CLCN6: variants seen among roughly 807,000 people sequenced by gnomAD.
CLCN6 encodes the protein Cl-/H+ antiporter 6.
In CLCN6, 70 loss-of-function variants were observed where a neutral mutation model predicts 109.8. The observed-to-expected ratio is 0.64, with a 90% CI of 0.53 to 0.78. The LOEUF (loss-of-function observed/expected upper bound fraction) is 0.78, where lower values mean the gene tolerates loss of function less well. Ranked by LOEUF, CLCN6 falls within the 30% of genes least tolerant of loss-of-function variation. CLCN6 has a pLI of 0.00. For synonymous variants in CLCN6, 444 were observed against 447.8 expected (o/e 0.99, Z 0.11); for missense variants, 984 against 1,142.3 (o/e 0.86, Z 2.00).
Position 11,834,388 on chromosome 1 carries a change from C to T in CLCN6, c.1679C>T (p.Thr560Ile). The T allele has an allele frequency of 1.2e-6, 2 of 1,614,008 alleles. No homozygotes were observed. Among genetic ancestry groups the T allele is most frequent in the Non-Finnish European group, 1.7e-6 (2 of 1,179,920 alleles). ...ACCTACGGGCTCCCCATCATGGTCA[C>T]ACTGATGGTGAGCACACTCCCTCCA... ...EITYGLPIMV[T>I]LMVAKWTGDF... The change falls in exon 16 of 23, where the codon ACA (threonine) becomes ATA (isoleucine). Residue 560 changes from threonine (T) to isoleucine (I), a missense_variant. Thr to Ile is a moderately conservative substitution (Grantham distance 89). Coordinates refer to ENST00000346436, the MANE Select transcript of CLCN6 (RefSeq NM_001286.5). This position sits in a 1 kb window ranked among gnomAD's most constrained non-coding sequence, Gnocchi z 4.5.
chr1:11,812,737 C>T (rs1644618200), intron 2 of CLCN6, among the ~76,000 whole-genome samples: 2 of 142,412 alleles, frequency 1.4e-5, no homozygotes, highest in Non-Finnish European at 3.0e-5. Flanking sequence ...AAAATGATAC[C>T]TGGAAATATG....
Position 11,815,921 on chromosome 1 carries a change from A to T in CLCN6, c.213+10A>T, listed in dbSNP as rs1644663459. 1 of 1,596,472 alleles carries T rather than the reference A, an allele frequency of 6.3e-7. No homozygotes were observed. Among genetic ancestry groups the T allele is most frequent in the African/African-American group, 1.3e-5 (1 of 74,560 alleles). On this transcript the variant is annotated intron_variant, in intron 3 of 22. Transcript: ENST00000346436. ...GACCATGGATAATAAGGTGGGTCTTACAATTCTTCATCTCTGGGGATCAAA... is the reference window on the plus strand; with the variant it reads ...GACCATGGATAATAAGGTGGGTCTTTCAATTCTTCATCTCTGGGGATCAAA...
Position 11,841,154 on chromosome 1 carries a change from C to G in CLCN6, c.*931C>G, listed in dbSNP as rs1645017916. The G allele has an allele frequency of 6.6e-6, 1 of 152,624 alleles. No homozygotes were observed. The highest frequency in any genetic ancestry group is 2.4e-5 in the African/African-American group (1 of 41,428). The allele number at this position is 152,624 out of a possible 1,614,324, so 9.5% of individuals were successfully genotyped here. Reference sequence around the variant, plus strand: ...TTCACTCAACTCTGGGGAATGCTACCATTTTTTTTCCAAAGTAGAAAGGAA... The same window carrying G: ...TTCACTCAACTCTGGGGAATGCTACGATTTTTTTTCCAAAGTAGAAAGGAA... On this transcript the variant is annotated 3_prime_UTR_variant, in exon 23 of 23. Coordinates refer to ENST00000346436, the MANE Select transcript of CLCN6 (RefSeq NM_001286.5).
chr1:11,839,506 C>T (rs1052049916), intron 22 of CLCN6, among the ~76,000 whole-genome samples: 3 of 152,200 alleles, frequency 2.0e-5, no homozygotes, highest in African/African-American at 7.2e-5. Flanking sequence ...AAGTGATTCA[C>T]CTGCCTCGGC....
chr1:11,827,104 T>C lies in CLCN6; in HGVS notation c.723T>C (p.Phe241=). The change falls in exon 10 of 23, where the codon TTT becomes TTC. Residue 241 remains phenylalanine (F), a synonymous_variant. Coordinates refer to ENST00000346436, the MANE Select transcript of CLCN6 (RefSeq NM_001286.5). ...YFRSDRDKRD[F]VSAGAAAGVA... Reference sequence around the variant, plus strand: ...CTCTCCTCAGAGACAAGAGAGACTTTGTATCAGCAGGAGCGGCTGCTGGAG... The same window carrying C: ...CTCTCCTCAGAGACAAGAGAGACTTCGTATCAGCAGGAGCGGCTGCTGGAG... 1 of 1,613,930 alleles carries C rather than the reference T, an allele frequency of 6.2e-7. No individual in the cohort carries two copies. Among genetic ancestry groups the C allele is most frequent in the Non-Finnish European group, 8.5e-7 (1 of 1,179,908 alleles).
chr1:11,834,205 A>C lies in CLCN6; in HGVS notation c.1527-31A>C. 2 of 1,602,928 alleles carry C rather than the reference A, an allele frequency of 1.2e-6. No individual in the cohort carries two copies. Among genetic ancestry groups the C allele is most frequent in the Non-Finnish European group, 1.7e-6 (2 of 1,174,688 alleles). On this transcript the variant is annotated intron_variant, in intron 15 of 22. Transcript: ENST00000346436. The surrounding 1 kb of genome is among the most constrained non-coding windows in gnomAD (Gnocchi z 4.5). Reference sequence around the variant, plus strand: ...CCCCACAGCCTATCAGTGTGGTTCAAAGCCATGTTCTCGGTGTTTTCCTTC... The same window carrying C: ...CCCCACAGCCTATCAGTGTGGTTCACAGCCATGTTCTCGGTGTTTTCCTTC...
intron 17 of CLCN6, 83 bp from the exon 18 acceptor site, chr1:11,835,884 C>A: frequency 7.6e-7 from 1 of 1,318,498 alleles, no homozygotes; most frequent in Non-Finnish European, 1.0e-6. Flanking sequence ...GTGGTCTGAG[C>A]AGGGCTGGAG....
Position 11,822,816 on chromosome 1 carries a change from A to G in CLCN6, c.453+15A>G. The G allele has an allele frequency of 6.5e-7, 1 of 1,538,696 alleles. No homozygotes were observed. Among genetic ancestry groups the G allele is most frequent in the African/African-American group, 1.4e-5 (1 of 73,376 alleles). On this transcript the variant is annotated intron_variant, in intron 6 of 22. Coordinates refer to ENST00000346436, the MANE Select transcript of CLCN6 (RefSeq NM_001286.5). ...TTCTCATTGAGGTGAGGTGGTTTGGATTCACCTGCTCGCTTAGGAGGTTTT... is the reference window on the plus strand; with the variant it reads ...TTCTCATTGAGGTGAGGTGGTTTGGGTTCACCTGCTCGCTTAGGAGGTTTT...
Position 11,815,490 on chromosome 1 carries a change from G to A in CLCN6, c.148-356G>A, listed in dbSNP as rs952383376. The stretch of plus-strand genomic sequence containing the variant: ...GGCTCACCACAACCTCCACCTCCCA[G>A]GTTCCAGTGATTCTCCTGCCTCAGC... On this transcript the variant is annotated intron_variant, in intron 2 of 22. Transcript: ENST00000346436. 1.3e-5 allele frequency among the ~76,000 whole-genome samples: 2 copies of A among 152,194 alleles called. 1 individual carries two copies. Among genetic ancestry groups the A allele is most frequent in the Non-Finnish European group, 2.9e-5 (2 of 68,030 alleles).
intron 13 of CLCN6, among the ~76,000 whole-genome samples, chr1:11,830,756 TATATATATAC>T (rs1177777524): frequency 2.9e-5 from 4 of 136,672 alleles, no homozygotes; most frequent in African/African-American, 1.2e-4. Flanking sequence ...TATATATATA[TATATATATAC>T]ACACACACAC....
intron 2 of CLCN6, among the ~76,000 whole-genome samples, chr1:11,808,671 TCTTC>T: frequency 7.5e-6 from 1 of 132,454 alleles, no homozygotes; most frequent in East Asian, 2.4e-4. Flanking sequence ...ATCTGTAGCT[TCTTC>T]CTTCATCTTT....
chr1:11,812,599 C>T (rs6687229), intron 2 of CLCN6, among the ~76,000 whole-genome samples: 14,926 of 150,652 alleles, frequency 0.099, 807 homozygotes, highest in South Asian at 0.16. Context: ...GGCCCCCAGC[C>T]GCCACTCATC....
In CLCN6 at chr1:11,838,322, G is replaced by T. The variant is rs745380792; in HGVS notation, c.2296-13G>T. The T allele has an allele frequency of 3.1e-6, 5 of 1,612,590 alleles. No homozygotes were observed. In the Admixed American group the frequency reaches 5.0e-5, roughly 16 times the overall value. Reference sequence around the variant, plus strand: ...CTGCCTGAGCACGGACAGTGTCTGGGTTGGAATTGCAGAGCGCCAGCCAGC... The same window carrying T: ...CTGCCTGAGCACGGACAGTGTCTGGTTTGGAATTGCAGAGCGCCAGCCAGC... On this transcript the variant is annotated splice_polypyrimidine_tract_variant and intron_variant, in intron 20 of 22. Coordinates refer to ENST00000346436, the MANE Select transcript of CLCN6 (RefSeq NM_001286.5).
chr1:11,832,345 C>T (rs1570536888), intron 13 of CLCN6, among the ~76,000 whole-genome samples: 3 of 152,352 alleles, frequency 2.0e-5, no homozygotes, highest in East Asian at 1.9e-4. Context: ...CACTGATTTC[C>T]AAGAATTGCT....
chr1:11,811,906 T>C (rs1462396433), intron 2 of CLCN6, among the ~76,000 whole-genome samples: 1 of 152,102 alleles, frequency 6.6e-6, no homozygotes, highest in African/African-American at 2.4e-5. Flanking sequence ...TTTCCATACA[T>C]ATTTTGGATG....
intron 11 of CLCN6, 83 bp downstream of exon 11, chr1:11,828,302 A>G (rs1257300774): frequency 5.5e-6 from 8 of 1,450,252 alleles, no homozygotes; most frequent in Non-Finnish European, 7.7e-6. Context: ...AGAAATGAGC[A>G]GAGGGCTAGG....
chr1:11,813,432 C>T (rs908636873), intron 2 of CLCN6, among the ~76,000 whole-genome samples: 2 of 151,376 alleles, frequency 1.3e-5, no homozygotes, highest in African/African-American at 4.9e-5. Context: ...ACTCTGTCGC[C>T]TAGGCTGGAG....
chr1:11,822,765 C>A lies in CLCN6; in HGVS notation c.417C>A (p.Thr139=). ...SLLELLGFNL[T]FVFLASLLVL... is the part of the protein sequence containing the mutation. ...TTGAACTCCTGGGTTTTAACCTCAC[C>A]TTTGTCTTCCTGGCAAGCCTCCTTG... The change falls in exon 6 of 23, where the codon ACC becomes ACA. Residue 139 remains threonine (T), a synonymous_variant. Transcript: ENST00000346436. 1 of 1,614,050 alleles carries A rather than the reference C, an allele frequency of 6.2e-7. No individual in the cohort carries two copies. Among genetic ancestry groups the A allele is most frequent in the Middle Eastern group, 1.7e-4 (1 of 6,058 alleles).
chr1:11,824,481 CCCA>C lies in CLCN6; in HGVS notation c.581-4_581-2del. The stretch of plus-strand genomic sequence containing the variant: ...TGTTGGTCTTTCCTTTTTCACCCTG[CCCA>C]GGGCTCTTCGTGGAGAAGGAAGGCC... On this transcript the variant is annotated splice_acceptor_variant and splice_polypyrimidine_tract_variant and intron_variant, in intron 7 of 22. Transcript: ENST00000346436. LOFTEE classifies it high-confidence loss of function. The C allele has an allele frequency of 1.9e-6, 3 of 1,613,108 alleles. No individual in the cohort carries two copies. The highest frequency in any genetic ancestry group is 2.5e-6 in the Non-Finnish European group (3 of 1,179,376).
Sources: gnomAD v4.1 joint callset for allele counts (sites outside exome capture counted in the v4.1 genomes callset) on GRCh38, gnomAD v4.1.1 for gene constraint, Gnocchi (gnomAD v3.1) non-coding constraint, MANE v1.5 for transcripts, NCBI Gene and HGNC (gene_info 2026-07-23, HGNC 2026-07-21) for gene names.